The following PARD6A variants were observed in gnomAD, a reference collection of about 807,000 sequenced individuals.
The protein encoded by PARD6A is par-6 family cell polarity regulator alpha.
PARD6A carries 20 observed loss-of-function variants against 21.3 expected under a neutral mutation model. The ratio of observed to expected loss-of-function variants is 0.94; its 90% CI spans 0.66 to 1.36. The LOEUF (loss-of-function observed/expected upper bound fraction) is 1.36, where lower values mean the gene tolerates loss of function less well. Ranked by LOEUF, PARD6A falls within the 40% of genes most tolerant of loss-of-function variation. The pLI, the probability that PARD6A is intolerant of heterozygous loss-of-function variation, is 0.00. For synonymous variants in PARD6A, 214 were observed against 204.8 expected (o/e 1.04, Z -0.38); for missense variants, 411 against 482.0 (o/e 0.85, Z 1.38).
In PARD6A at chr16:67,661,180, C is replaced by G; in HGVS notation, c.63+79C>G. The G allele has an allele frequency of 8.0e-7, 1 of 1,252,422 alleles. No homozygotes were observed. The highest frequency in any genetic ancestry group is 1.2e-6 in the Non-Finnish European group (1 of 854,950). The allele number at this position is 1,252,422 out of a possible 1,614,324, so 77.6% of individuals were successfully genotyped here. Reference sequence around the variant, plus strand: ...CTTCCCAGCTCCTTGGTCCCCGCCACCTCTTCCCTCTATCCTCCAAGTCCC... The same window carrying G: ...CTTCCCAGCTCCTTGGTCCCCGCCAGCTCTTCCCTCTATCCTCCAAGTCCC... On this transcript the variant is annotated intron_variant, in intron 1 of 2. Transcript: ENST00000458121. The surrounding 1 kb of genome is among the most constrained non-coding windows in gnomAD (Gnocchi z 7.0).
Position 67,661,751 on chromosome 16 carries a change from G to A in PARD6A, c.286+74G>A, listed in dbSNP as rs1276865056. 2 of 1,564,792 alleles carry A rather than the reference G, an allele frequency of 1.3e-6. No individual in the cohort carries two copies. The highest frequency in any genetic ancestry group is 2.3e-5 in the East Asian group (1 of 44,274). Reference sequence around the variant, plus strand: ...GGCAGGTCTACAAGGGTTAGTCCATGCCCAGGGTACCCAAGCGTCACCCTC... The same window carrying A: ...GGCAGGTCTACAAGGGTTAGTCCATACCCAGGGTACCCAAGCGTCACCCTC... On this transcript the variant is annotated intron_variant, in intron 2 of 2. Coordinates refer to ENST00000458121, the MANE Select transcript of PARD6A (RefSeq NM_001037281.2). The surrounding 1 kb of genome is among the most constrained non-coding windows in gnomAD (Gnocchi z 7.0).
chr16:67,661,522 G>C lies in PARD6A; in HGVS notation c.131G>C (p.Arg44Pro). The C allele has an allele frequency of 6.2e-7, 1 of 1,610,134 alleles. No individual in the cohort carries two copies. Among genetic ancestry groups the C allele is most frequent in the South Asian group, 1.1e-5 (1 of 91,086 alleles). Reference sequence around the variant, plus strand: ...GTGAGCGGCTTCCAGGAGTTCTCGCGGTTGCTGCGGGCGGTGCACCAGATC... The same window carrying C: ...GTGAGCGGCTTCCAGGAGTTCTCGCCGTTGCTGCGGGCGGTGCACCAGATC... ...ASVSGFQEFS[R>P]LLRAVHQIPG... Residue 44 changes from arginine (R) to proline (P), a missense_variant, in exon 2 of 3, where the codon CGG becomes CCG. Arg to Pro is a moderately radical substitution (Grantham distance 103, BLOSUM62 -2). Transcript: ENST00000458121. This position sits in a 1 kb window ranked among gnomAD's most constrained non-coding sequence, Gnocchi z 7.0.
rs1364950840 is a variant in PARD6A at position 67,661,714 on chromosome 16, A to G, written c.286+37A>G. 1.3e-6 allele frequency: 2 copies of G among 1,596,688 alleles called. No individual in the cohort carries two copies. Among genetic ancestry groups the G allele is most frequent in the South Asian group, 1.1e-5 (1 of 90,510 alleles). ...TACAGTGGGCAGCCTCTGTGGGGTAAGGTGTCTGTGGGGCAGGTCTACAAG... is the reference window on the plus strand; with the variant it reads ...TACAGTGGGCAGCCTCTGTGGGGTAGGGTGTCTGTGGGGCAGGTCTACAAG... On this transcript the variant is annotated intron_variant, in intron 2 of 2. Transcript: ENST00000458121. The surrounding 1 kb of genome is among the most constrained non-coding windows in gnomAD (Gnocchi z 7.0).
In PARD6A at chr16:67,662,628, G is replaced by C; in HGVS notation, c.1019G>C (p.Gly340Ala). The C allele has an allele frequency of 3.2e-6, 5 of 1,584,374 alleles. No homozygotes were observed. Among genetic ancestry groups the C allele is most frequent in the Non-Finnish European group, 4.3e-6 (5 of 1,164,160 alleles). Residue 340 changes from glycine to alanine, a missense_variant, in exon 3 of 3, where the codon GGT becomes GCT. Physicochemically the swap from Gly to Ala is moderately conservative, Grantham distance 60. Transcript: ENST00000458121. The surrounding 1 kb of genome is among the most constrained non-coding windows in gnomAD (Gnocchi z 6.9). ...SGWGSRIRGDGSGFSL is the reference protein window; with the variant it reads ...SGWGSRIRGDASGFSL ...TGGGGGAGTCGCATTCGAGGAGATGGTAGTGGCTTCAGCCTCTGACAGTCA... is the reference window on the plus strand; with the variant it reads ...TGGGGGAGTCGCATTCGAGGAGATGCTAGTGGCTTCAGCCTCTGACAGTCA...
Position 67,661,446 on chromosome 16 carries a change from G to C in PARD6A, c.64-9G>C. 6.2e-7 allele frequency: 1 copy of C among 1,605,738 alleles called. No individual in the cohort carries two copies. Among genetic ancestry groups the C allele is most frequent in the Non-Finnish European group, 8.5e-7 (1 of 1,179,916 alleles). ...CTGACTCCTCCTCTCCCCCAACCCC[G>C]ACTTCCAGTTTGACGCCGAGTTCCG... On this transcript the variant is annotated splice_polypyrimidine_tract_variant and intron_variant, in intron 1 of 2. Transcript: ENST00000458121. This position sits in a 1 kb window ranked among gnomAD's most constrained non-coding sequence, Gnocchi z 7.0.
chr16:67,661,758 G>A lies in PARD6A; in HGVS notation c.286+81G>A, dbSNP rs1402821085. On this transcript the variant is annotated intron_variant, in intron 2 of 2. Coordinates refer to ENST00000458121, the MANE Select transcript of PARD6A (RefSeq NM_001037281.2). This position sits in a 1 kb window ranked among gnomAD's most constrained non-coding sequence, Gnocchi z 7.0. ...CTACAAGGGTTAGTCCATGCCCAGG[G>A]TACCCAAGCGTCACCCTCTGCAGTC... is the stretch of plus-strand genomic sequence containing the variant. 1 of 1,557,216 alleles carries A rather than the reference G, an allele frequency of 6.4e-7. No homozygotes were observed. The highest frequency in any genetic ancestry group is 8.6e-7 in the Non-Finnish European group (1 of 1,157,970).
chr16:67,662,610 G>C lies in PARD6A; in HGVS notation c.1001G>C (p.Ser334Thr). 1 of 1,602,586 alleles carries C rather than the reference G, an allele frequency of 6.2e-7. No individual in the cohort carries two copies. The highest frequency in any genetic ancestry group is 1.7e-4 in the Middle Eastern group (1 of 6,002). The change falls in exon 3 of 3, where the codon AGT (serine) becomes ACT (threonine). Residue 334 changes from serine (S) to threonine (T), a missense_variant. Coordinates refer to ENST00000458121, the MANE Select transcript of PARD6A (RefSeq NM_001037281.2). This position sits in a 1 kb window ranked among gnomAD's most constrained non-coding sequence, Gnocchi z 6.9. ...DQEQASSGWG[S>T]RIRGDGSGFS... ...GAGCAGGCCAGTTCTGGCTGGGGGA[G>C]TCGCATTCGAGGAGATGGTAGTGGC...
At position 67,661,976 on chromosome 16, in the gene PARD6A, C is replaced by T; in HGVS notation, c.367C>T (p.Pro123Ser). 6.2e-7 allele frequency: 1 copy of T among 1,612,888 alleles called. No individual in the cohort carries two copies. Among genetic ancestry groups the T allele is most frequent in the Non-Finnish European group, 8.5e-7 (1 of 1,180,024 alleles). Residue 123 changes from proline to serine, a missense_variant, in exon 3 of 3, where the codon CCC becomes TCC. Coordinates refer to ENST00000458121, the MANE Select transcript of PARD6A (RefSeq NM_001037281.2). The surrounding 1 kb of genome is among the most constrained non-coding windows in gnomAD (Gnocchi z 7.0). ...AGGGCTCTTGCTGCGGCCAGTGGCA[C>T]CCCTGCGCACCCGGCCACCCTTGCT... ...KKGLLLRPVA[P>S]LRTRPPLLIS...
In PARD6A at chr16:67,662,391, G is replaced by A. The variant is rs751778776; in HGVS notation, c.782G>A (p.Arg261His). The A allele has an allele frequency of 1.6e-5, 26 of 1,613,934 alleles. No homozygotes were observed. The Middle Eastern group carries it at 6.6e-4, about 41-fold the overall frequency. Residue 261 changes from arginine (R) to histidine (H), a missense_variant, in exon 3 of 3, where the codon CGT (arginine) becomes CAT (histidine). By Grantham distance (29) the Arg-to-His change is conservative. Transcript: ENST00000458121. The surrounding 1 kb of genome is among the most constrained non-coding windows in gnomAD (Gnocchi z 6.9). ...RNNVVRGASG[R>H]LTGPPSAGPG... ...AACGTGGTGCGAGGGGCATCTGGGCGTTTGACAGGTCCTCCCTCTGCAGGG... is the reference window on the plus strand; with the variant it reads ...AACGTGGTGCGAGGGGCATCTGGGCATTTGACAGGTCCTCCCTCTGCAGGG...
rs1232649524 is a variant in PARD6A, at chr16:67,662,417, C to G, written c.808C>G (p.Pro270Ala). Residue 270 changes from proline (P) to alanine (A), a missense_variant, in exon 3 of 3, where the codon CCT (proline) becomes GCT (alanine). Pro to Ala is a conservative substitution (Grantham distance 27). Coordinates refer to ENST00000458121, the MANE Select transcript of PARD6A (RefSeq NM_001037281.2). The surrounding 1 kb of genome is among the most constrained non-coding windows in gnomAD (Gnocchi z 6.9). ...GRLTGPPSAG[P>A]GPAEPDSDDD... ...TTTGACAGGTCCTCCCTCTGCAGGG[C>G]CTGGGCCTGCTGAGCCTGATAGTGA... The G allele has an allele frequency of 6.2e-7, 1 of 1,613,944 alleles. No individual in the cohort carries two copies. Among genetic ancestry groups the G allele is most frequent in the Non-Finnish European group, 8.5e-7 (1 of 1,179,980 alleles).
chr16:67,662,344 C>G lies in PARD6A; in HGVS notation c.735C>G (p.Val245=). 27 of 1,614,112 alleles carry G rather than the reference C, an allele frequency of 1.7e-5. No individual in the cohort carries two copies. The highest frequency in any genetic ancestry group is 2.3e-5 in the Non-Finnish European group (27 of 1,180,044). ...ACAGCCATAACCTCATTGTCACTGT[C>G]AAGCCCGCCAACCAGCGCAATAACG... ...VANSHNLIVT[V]KPANQRNNVV... Residue 245 remains valine (V), a synonymous_variant, in exon 3 of 3, where the codon GTC becomes GTG. Coordinates refer to ENST00000458121, the MANE Select transcript of PARD6A (RefSeq NM_001037281.2). The surrounding 1 kb of genome is among the most constrained non-coding windows in gnomAD (Gnocchi z 6.9).
In PARD6A at chr16:67,661,267, T is replaced by G. The variant is rs2053010311; in HGVS notation, c.63+166T>G. 1 of 1,016,304 alleles carries G rather than the reference T, an allele frequency of 9.8e-7. No individual in the cohort carries two copies. 63.0% of individuals were successfully genotyped at this position (1,016,304 alleles called of 1,614,324 possible). On this transcript the variant is annotated intron_variant, in intron 1 of 2. Transcript: ENST00000458121. This position sits in a 1 kb window ranked among gnomAD's most constrained non-coding sequence, Gnocchi z 7.0. Reference sequence around the variant, plus strand: ...CCTTCCTCCACTGCTGGTCTCCAGCTCTCTGTGGCCTGAGTACCTGGAGGG... The same window carrying G: ...CCTTCCTCCACTGCTGGTCTCCAGCGCTCTGTGGCCTGAGTACCTGGAGGG...
Position 67,662,421 on chromosome 16 carries a change from G to A in PARD6A, c.812G>A (p.Gly271Glu), listed in dbSNP as rs2053037552. The A allele has an allele frequency of 1.2e-6, 2 of 1,613,890 alleles. No individual in the cohort carries two copies. Among genetic ancestry groups the A allele is most frequent in the Non-Finnish European group, 1.7e-6 (2 of 1,179,978 alleles). Residue 271 changes from glycine to glutamate, a missense_variant, in exon 3 of 3, where the codon GGG becomes GAG. Coordinates refer to ENST00000458121, the MANE Select transcript of PARD6A (RefSeq NM_001037281.2). This position sits in a 1 kb window ranked among gnomAD's most constrained non-coding sequence, Gnocchi z 6.9. Reference protein sequence around the residue: ...RLTGPPSAGPGPAEPDSDDDS... With the variant: ...RLTGPPSAGPEPAEPDSDDDS... ...ACAGGTCCTCCCTCTGCAGGGCCTGGGCCTGCTGAGCCTGATAGTGACGAT... is the reference window on the plus strand; with the variant it reads ...ACAGGTCCTCCCTCTGCAGGGCCTGAGCCTGCTGAGCCTGATAGTGACGAT...
Position 67,661,439 on chromosome 16 carries a change from C to G in PARD6A, c.64-16C>G. On this transcript the variant is annotated splice_polypyrimidine_tract_variant and intron_variant, in intron 1 of 2. Transcript: ENST00000458121. This position sits in a 1 kb window ranked among gnomAD's most constrained non-coding sequence, Gnocchi z 7.0. The stretch of plus-strand genomic sequence containing the variant: ...GGCTGTCCTGACTCCTCCTCTCCCC[C>G]AACCCCGACTTCCAGTTTGACGCCG... The G allele has an allele frequency of 6.2e-7, 1 of 1,604,882 alleles. No individual in the cohort carries two copies. Among genetic ancestry groups the G allele is most frequent in the Non-Finnish European group, 8.5e-7 (1 of 1,179,870 alleles).
At position 67,662,374 on chromosome 16, in the gene PARD6A, G is replaced by A. The variant is rs776330045; in HGVS notation, c.765G>A (p.Val255=). ...CCGCCAACCAGCGCAATAACGTGGTGCGAGGGGCATCTGGGCGTTTGACAG... is the reference window on the plus strand; with the variant it reads ...CCGCCAACCAGCGCAATAACGTGGTACGAGGGGCATCTGGGCGTTTGACAG... ...VKPANQRNNV[V]RGASGRLTGP... Residue 255 remains valine (V), a synonymous_variant, in exon 3 of 3, where the codon GTG becomes GTA. Transcript: ENST00000458121. This position sits in a 1 kb window ranked among gnomAD's most constrained non-coding sequence, Gnocchi z 6.9. The A allele has an allele frequency of 6.8e-6, 11 of 1,613,982 alleles. No individual in the cohort carries two copies. The African/African-American group carries it at 1.3e-4, about 20-fold the overall frequency.
In PARD6A at chr16:67,662,116, C is replaced by G; in HGVS notation, c.507C>G (p.Gly169=). 5.6e-6 allele frequency: 9 copies of G among 1,613,758 alleles called. No individual in the cohort carries two copies. Among genetic ancestry groups the G allele is most frequent in the Non-Finnish European group, 7.6e-6 (9 of 1,179,956 alleles). ...AGCATGGTTCAGACCGCCCCCTGGGCTTCTACATCCGAGATGGCATGAGCG... is the reference window on the plus strand; with the variant it reads ...AGCATGGTTCAGACCGCCCCCTGGGGTTCTACATCCGAGATGGCATGAGCG... ...LHKHGSDRPL[G]FYIRDGMSVR... Residue 169 remains glycine, a synonymous_variant, in exon 3 of 3, where the codon GGC becomes GGG. Transcript: ENST00000458121. This position sits in a 1 kb window ranked among gnomAD's most constrained non-coding sequence, Gnocchi z 6.9.
chr16:67,661,322 G>A lies in PARD6A; in HGVS notation c.64-133G>A. 4.0e-6 allele frequency: 5 copies of A among 1,262,342 alleles called. No individual in the cohort carries two copies. The South Asian group carries it at 4.4e-5, about 11-fold the overall frequency. 78.2% of individuals were successfully genotyped at this position (1,262,342 alleles called of 1,614,324 possible). Reference sequence around the variant, plus strand: ...AAGAAGACCTTGGACAGCGTCCCTGGTACTGGAGCTGAGGTCTGGGCTTAA... The same window carrying A: ...AAGAAGACCTTGGACAGCGTCCCTGATACTGGAGCTGAGGTCTGGGCTTAA... On this transcript the variant is annotated intron_variant, in intron 1 of 2. Coordinates refer to ENST00000458121, the MANE Select transcript of PARD6A (RefSeq NM_001037281.2). This position sits in a 1 kb window ranked among gnomAD's most constrained non-coding sequence, Gnocchi z 7.0.
chr16:67,661,076 A>G lies in PARD6A; in HGVS notation c.38A>G (p.Asp13Gly). 6.2e-7 allele frequency: 1 copy of G among 1,608,172 alleles called. No individual in the cohort carries two copies. The highest frequency in any genetic ancestry group is 1.7e-4 in the Middle Eastern group (1 of 6,038). ...RPQRTPARSP[D>G]SIVEVKSKFD... is the part of the protein sequence containing the mutation. Reference sequence around the variant, plus strand: ...CAGAGGACTCCGGCGCGCAGTCCCGATAGCATCGTCGAGGTGAAGAGCAAA... The same window carrying G: ...CAGAGGACTCCGGCGCGCAGTCCCGGTAGCATCGTCGAGGTGAAGAGCAAA... Residue 13 changes from aspartate (D) to glycine (G), a missense_variant, in exon 1 of 3, where the codon GAT (aspartate) becomes GGT (glycine). By Grantham distance (94) the Asp-to-Gly change is moderately conservative. Coordinates refer to ENST00000458121, the MANE Select transcript of PARD6A (RefSeq NM_001037281.2). This position sits in a 1 kb window ranked among gnomAD's most constrained non-coding sequence, Gnocchi z 7.0.
chr16:67,662,595 G>A lies in PARD6A; in HGVS notation c.986G>A (p.Ser329Asn), dbSNP rs778709455. ...TCCCTGGATGACCAGGAGCAGGCCA[G>A]TTCTGGCTGGGGGAGTCGCATTCGA... ...LPSLDDQEQA[S>N]SGWGSRIRGD... Residue 329 changes from serine to asparagine, a missense_variant, in exon 3 of 3, where the codon AGT becomes AAT. Transcript: ENST00000458121. This position sits in a 1 kb window ranked among gnomAD's most constrained non-coding sequence, Gnocchi z 6.9. 4.3e-6 allele frequency: 7 copies of A among 1,609,752 alleles called. No homozygotes were observed. Among genetic ancestry groups the A allele is most frequent in the African/African-American group, 1.3e-5 (1 of 74,862 alleles).
Sources: allele counts gnomAD v4.1 joint callset, GRCh38; gene constraint gnomAD v4.1.1; non-coding constraint Gnocchi (gnomAD v3.1); transcripts MANE v1.5; gene names NCBI Gene and HGNC (gene_info 2026-07-23, HGNC 2026-07-21).